The following USP9X variants were observed in gnomAD, a reference collection of about 807,000 sequenced individuals.
USP9X encodes ubiquitin carboxyl-terminal hydrolase 9X.
Under a neutral mutation model 190.3 loss-of-function variants are expected in USP9X, and 7 were observed. That is an observed-to-expected ratio of 0.04 (90% confidence interval 0.02 to 0.07). USP9X has a LOEUF of 0.07. Among genes scored for constraint, USP9X ranks in the 10% least tolerant of loss-of-function variants. USP9X has a pLI of 1.00. For synonymous variants in USP9X, 645 were observed against 659.5 expected (o/e 0.98, Z 0.34); for missense variants, 1,010 against 1,916.9 (o/e 0.53, Z 8.83).
intron 26 of USP9X, chrX:41,195,998 G>A (rs1173370674): frequency 2.1e-6 from 1 of 475,587 alleles, no homozygotes; most frequent in African/African-American, 2.4e-5. Context: ...AGAAAGAGGT[G>A]TTAGAAGGTG....
chrX:41,221,680 G>A (rs1299449054), intron 38 of USP9X, among the ~76,000 whole-genome samples: 1 of 111,615 alleles, frequency 9.0e-6, no homozygotes, highest in Non-Finnish European at 1.9e-5. Context: ...TAGGCCTTGT[G>A]AGAGAGACTG....
intron 15 of USP9X, among the ~76,000 whole-genome samples, chrX:41,163,972 G>C (rs1373227412): frequency 2.7e-5 from 3 of 110,600 alleles, no homozygotes; most frequent in Non-Finnish European, 5.7e-5. Context: ...CACCTCCCAG[G>C]TACAATTCTC....
At chrX:41,211,699 C>T (rs1426576086) in intron 33 of USP9X, among the ~76,000 whole-genome samples, 7 of 104,268 alleles carry the variant, frequency 6.7e-5, no homozygotes, top group African/African-American at 1.8e-4. Flanking sequence ...CCGCCCCGTC[C>T]GGGAGGGAGG....
intron 23 of USP9X, among the ~76,000 whole-genome samples, chrX:41,185,198 G>T (rs910702469): frequency 8.9e-6 from 1 of 112,341 alleles, no homozygotes; most frequent in Non-Finnish European, 1.9e-5. Context: ...CATCATAAAT[G>T]ATTGTTTTAC....
intron 1 of USP9X, among the ~76,000 whole-genome samples, chrX:41,095,843 C>T (rs1251240859): frequency 9.0e-6 from 1 of 110,940 alleles, no homozygotes; most frequent in Non-Finnish European, 1.9e-5. Flanking sequence ...AGTTGAGTGT[C>T]GGGGGATTGA....
intron 11 of USP9X, among the ~76,000 whole-genome samples, 190 bp downstream of exon 11, chrX:41,144,816 A>G (rs534539076): frequency 4.5e-5 from 5 of 111,251 alleles, no homozygotes; most frequent in Admixed American, 3.8e-4. Flanking sequence ...TAGCCCCCAT[A>G]ATGGAAACTC....
At chrX:41,196,875 G>T in intron 28 of USP9X, 137 bp downstream of exon 28, 2 of 485,560 alleles carry the variant, frequency 4.1e-6, no homozygotes, top group South Asian at 9.5e-5. Flanking sequence ...AATGTACTCT[G>T]CATCAGTGGA....
At chrX:41,142,268 C>T (rs1282014424) in intron 9 of USP9X, among the ~76,000 whole-genome samples, 1 of 111,436 alleles carries the variant, frequency 9.0e-6, no homozygotes, top group East Asian at 2.8e-4. Context: ...TTGAACCAGT[C>T]CTAGATAGGA....
At chrX:41,211,826 C>T (rs1448183883) in intron 33 of USP9X, among the ~76,000 whole-genome samples, 4 of 95,081 alleles carry the variant, frequency 4.2e-5, no homozygotes, top group Admixed American at 1.1e-4. Context: ...CCGCCCCGTC[C>T]GGGAGGGAGG....
At position 41,186,583 on chromosome X, in the gene USP9X, T is replaced by C. The variant is rs774647858; in HGVS notation, c.3625T>C (p.Ser1209Pro). The C allele has an allele frequency of 8.3e-7, 1 of 1,210,948 alleles. No homozygotes were observed. Among genetic ancestry groups the C allele is most frequent in the Admixed American group, 2.2e-5 (1 of 46,012 alleles). The change falls in exon 24 of 45, where the codon TCA becomes CCA. Residue 1209 changes from serine (S) to proline (P), a missense_variant. By Grantham distance (74) the Ser-to-Pro change is moderately conservative. Around this residue, in one of 11 missense-constraint regions of USP9X, gnomAD observed 351 missense variants for 480.8 expected, o/e 0.73. Coordinates refer to ENST00000378308, the MANE Select transcript of USP9X (RefSeq NM_001039591.3). The part of the protein sequence containing the change: ...QSALQSIPNP[S>P]SECMLRNVSV... ...TGCCCTTCAGAGCATTCCTAATCCATCATCCGAGTGCATGCTTAGAAATGT... is the reference window on the plus strand; with the variant it reads ...TGCCCTTCAGAGCATTCCTAATCCACCATCCGAGTGCATGCTTAGAAATGT...
At chrX:41,169,320 G>A (rs1477187272) in intron 18 of USP9X, among the ~76,000 whole-genome samples, 1 of 111,117 alleles carries the variant, frequency 9.0e-6, no homozygotes, top group Non-Finnish European at 1.9e-5. Flanking sequence ...GGCTTTTACA[G>A]CATAAAAATA....
At chrX:41,147,299 A>G (rs1367683698) in intron 11 of USP9X, among the ~76,000 whole-genome samples, 2 of 108,967 alleles carry the variant, frequency 1.8e-5, no homozygotes, top group Non-Finnish European at 3.8e-5. Flanking sequence ...GTAATCTGAT[A>G]TTTTAGTCTT....
intron 21 of USP9X, among the ~76,000 whole-genome samples, chrX:41,181,434 A>ATTT (rs1463219870): frequency 4.6e-4 from 11 of 23,790 alleles, no homozygotes; most frequent in East Asian, 1.9e-3. Context: ...ACCACACCTG[A>ATTT]CTTTTTTTTT....
At chrX:41,155,773 C>G (rs148543051) in intron 14 of USP9X, among the ~76,000 whole-genome samples, 1 of 111,808 alleles carries the variant, frequency 8.9e-6, no homozygotes, top group African/African-American at 3.2e-5. Context: ...TACATACTAT[C>G]CATTTTGTGA....
chrX:41,156,147 C>T (rs2062576883), intron 14 of USP9X, among the ~76,000 whole-genome samples: 1 of 112,026 alleles, frequency 8.9e-6, no homozygotes, highest in African/African-American at 3.2e-5. Flanking sequence ...TTTAGAGTAC[C>T]TGAAAATTGT....
At position 41,214,769 on chromosome X, in the gene USP9X, G is replaced by T. The variant is rs1038215467; in HGVS notation, c.5331+60G>T. On this transcript the variant is annotated intron_variant, in intron 34 of 44. Coordinates refer to ENST00000378308, the MANE Select transcript of USP9X (RefSeq NM_001039591.3). ...CATTTAATGGATTTAGAAGAAATTG[G>T]TTTTTTTGGTTCATCCTCACAAGTC... The T allele has an allele frequency of 5.5e-6, 6 of 1,096,090 alleles. No homozygotes were observed. In the African/African-American group the frequency reaches 5.8e-5, roughly 11 times the overall value. 90.3% of individuals were successfully genotyped at this position (1,096,090 alleles called of 1,213,427 possible).
intron 28 of USP9X, among the ~76,000 whole-genome samples, chrX:41,197,073 T>C (rs1373673099): frequency 8.9e-6 from 1 of 112,372 alleles, no homozygotes; most frequent in African/African-American, 3.2e-5. Context: ...AGCAGAACTT[T>C]CTACCATAAC....
At chrX:41,143,226 G>T in intron 9 of USP9X, 65 bp from the exon 10 acceptor site, 2 of 838,309 alleles carry the variant, frequency 2.4e-6, no homozygotes, top group Non-Finnish European at 3.2e-6. Flanking sequence ...TAATAATAGT[G>T]TGAGCAATTA....
chrX:41,099,971 C>G (rs2062023183), intron 1 of USP9X, among the ~76,000 whole-genome samples: 1 of 112,107 alleles, frequency 8.9e-6, no homozygotes, highest in Non-Finnish European at 1.9e-5. Flanking sequence ...CAAACATACA[C>G]AGATGTAGAT....
Sources: allele counts gnomAD v4.1 joint callset (sites outside exome capture counted in the v4.1 genomes callset), GRCh38; gene constraint gnomAD v4.1.1; regional missense constraint gnomAD v4.1.1; transcripts MANE v1.5; gene names NCBI Gene and HGNC (gene_info 2026-07-23, HGNC 2026-07-21).